Variants in TMEM117 observed in about 807,000 individuals in gnomAD.
TMEM117 encodes the protein transmembrane protein 117.
A neutral mutation model predicts 52.4 loss-of-function variants in TMEM117; 27 were observed. That is an observed-to-expected ratio of 0.51 (90% CI 0.38 to 0.71). The LOEUF (loss-of-function observed/expected upper bound fraction) is 0.71. TMEM117 is among the 30% of genes least tolerant of loss of function. The probability of loss-of-function intolerance (pLI) is 0.00; values close to 1 mark genes in which losing one functional copy is unlikely to be tolerated. For missense variants in TMEM117, 556 were observed against 630.5 expected (o/e 0.88, Z 1.26); for synonymous variants, 215 against 206.3 (o/e 1.04, Z -0.36).
the TMEM117 span, among the ~76,000 whole-genome samples, chr12:43,817,757 A>G: frequency 6.6e-6 from 1 of 152,224 alleles, no homozygotes; most frequent in Non-Finnish European, 1.5e-5. Context: ...TTCTAAGCTC[A>G]GGATTGGACT....
intron 2 of TMEM117, among the ~76,000 whole-genome samples, chr12:43,853,399 C>T (rs892734742): frequency 6.6e-6 from 1 of 152,136 alleles, no homozygotes; most frequent in African/African-American, 2.4e-5. Context: ...CCTCGGCCTC[C>T]CAAGTAGCTG....
At chr12:43,931,536 A>G (rs541794365) in intron 2 of TMEM117, among the ~76,000 whole-genome samples, 30 of 152,342 alleles carry the variant, frequency 2.0e-4, no homozygotes, top group African/African-American at 6.7e-4. Flanking sequence ...ACTATGTTCC[A>G]TATGTTTCAG....
chr12:44,326,773 A>G (rs1390411611), intron 6 of TMEM117, among the ~76,000 whole-genome samples: 1 of 152,212 alleles, frequency 6.6e-6, no homozygotes, highest in Non-Finnish European at 1.5e-5. Flanking sequence ...TCATTGGGGA[A>G]CTTCACCACA....
chr12:44,399,047 G>C, the TMEM117 span, among the ~76,000 whole-genome samples: 2 of 151,970 alleles, frequency 1.3e-5, no homozygotes, highest in African/African-American at 2.4e-5. Flanking sequence ...GCATCATTTT[G>C]TACTCTATAA....
At position 43,890,149 on chromosome 12, in the gene TMEM117, A is replaced by G. The variant is rs1944076487; in HGVS notation, c.277+45221A>G. On this transcript the variant is annotated intron_variant, in intron 2 of 7. Transcript: ENST00000266534. Reference sequence around the variant, plus strand: ...TTCATGACATGTTCTATAATATGTAACTCATAAAAAGGAGAGAAGTGACAT... The same window carrying G: ...TTCATGACATGTTCTATAATATGTAGCTCATAAAAAGGAGAGAAGTGACAT... Among the ~76,000 whole-genome samples, 3 of 152,224 alleles carry G rather than the reference A, an allele frequency of 2.0e-5. No homozygotes were observed. In the South Asian group the frequency reaches 6.2e-4, roughly 31 times the overall value.
chr12:44,284,278 T>C (rs1165788940), intron 5 of TMEM117, among the ~76,000 whole-genome samples: 1 of 152,074 alleles, frequency 6.6e-6, no homozygotes, highest in Middle Eastern at 3.2e-3. Flanking sequence ...TGCCACTGCA[T>C]TCCAGCCTGG....
intron 4 of TMEM117, among the ~76,000 whole-genome samples, chr12:44,143,901 T>G (rs915935404): frequency 4.6e-5 from 7 of 152,324 alleles, no homozygotes; most frequent in African/African-American, 1.4e-4. Context: ...CATGTATGTT[T>G]GAGCATATAA....
intron 7 of TMEM117, among the ~76,000 whole-genome samples, chr12:44,387,079 G>C (rs1190947049): frequency 6.6e-6 from 1 of 151,280 alleles, no homozygotes; most frequent in Non-Finnish European, 1.5e-5. Context: ...AAACCTATGA[G>C]GTAGGTATTA....
chr12:43,898,096 C>A (rs1158358143), intron 2 of TMEM117, among the ~76,000 whole-genome samples: 1 of 151,872 alleles, frequency 6.6e-6, no homozygotes, highest in East Asian at 1.9e-4. Context: ...TTTAGCTTCT[C>A]TCCTAATTTC....
chr12:44,249,974 A>C (rs536345301), intron 5 of TMEM117, among the ~76,000 whole-genome samples: 1 of 152,334 alleles, frequency 6.6e-6, no homozygotes, highest in Admixed American at 6.5e-5. Context: ...ATTGCAATAA[A>C]ATCCAAAATT....
At chr12:44,335,396 A>AT (rs945343635) in intron 6 of TMEM117, among the ~76,000 whole-genome samples, 4 of 152,082 alleles carry the variant, frequency 2.6e-5, no homozygotes, top group African/African-American at 9.7e-5. Context: ...TGAAAATAGT[A>AT]TTTTTAATTC....
the TMEM117 span, among the ~76,000 whole-genome samples, chr12:43,821,678 G>T: frequency 2.0e-5 from 3 of 152,178 alleles, no homozygotes; most frequent in African/African-American, 4.8e-5. Flanking sequence ...AAAGCACAGA[G>T]TTAAGTAACT....
chr12:44,196,095 AAAAAAT>A (rs1327069159), intron 4 of TMEM117, among the ~76,000 whole-genome samples: 1 of 151,996 alleles, frequency 6.6e-6, no homozygotes, highest in African/African-American at 2.4e-5. Flanking sequence ...TCTTTAAAAG[AAAAAAT>A]AAAAGAAAGA....
chr12:43,939,419 C>T (rs541820392), intron 2 of TMEM117, among the ~76,000 whole-genome samples: 1 of 152,024 alleles, frequency 6.6e-6, no homozygotes, highest in Non-Finnish European at 1.5e-5. Context: ...ATACTTTTTC[C>T]TCTAAATTAA....
At chr12:43,932,435 C>T in intron 2 of TMEM117, among the ~76,000 whole-genome samples, 1 of 144,680 alleles carries the variant, frequency 6.9e-6, no homozygotes, top group Admixed American at 7.1e-5. Context: ...GCATCCTGTT[C>T]TTTTGATTCT....
At chr12:44,144,355 C>G (rs1423407551) in intron 4 of TMEM117, among the ~76,000 whole-genome samples, 1 of 152,118 alleles carries the variant, frequency 6.6e-6, no homozygotes, top group Non-Finnish European at 1.5e-5. Flanking sequence ...GAACATAACT[C>G]CCATAAAAAT....
chr12:43,839,249 C>T (rs541718562), intron 1 of TMEM117, among the ~76,000 whole-genome samples: 2 of 152,130 alleles, frequency 1.3e-5, no homozygotes. Flanking sequence ...AACCAGGAAA[C>T]AGACAGGCCT....
At chr12:44,339,914 A>G (rs1045002681) in intron 6 of TMEM117, among the ~76,000 whole-genome samples, 2 of 152,152 alleles carry the variant, frequency 1.3e-5, no homozygotes, top group East Asian at 1.9e-4. Context: ...TGACAATTCT[A>G]CATTTAAAGT....
intron 2 of TMEM117, among the ~76,000 whole-genome samples, chr12:43,862,245 T>C (rs1166396998): frequency 3.3e-5 from 5 of 152,174 alleles, no homozygotes; most frequent in Non-Finnish European, 5.9e-5. Context: ...CTCGGCTCAC[T>C]GCAAGCTCTG....
Sources: allele counts gnomAD v4.1 joint callset (sites outside exome capture counted in the v4.1 genomes callset), GRCh38; gene constraint gnomAD v4.1.1; transcripts MANE v1.5; gene names NCBI Gene and HGNC (gene_info 2026-07-23, HGNC 2026-07-21).